The following ACOT12 variants were observed in gnomAD, a reference collection of about 807,000 sequenced individuals.
ACOT12 encodes acetyl-coenzyme A thioesterase.
ACOT12 carries 51 observed loss-of-function variants against 67.7 expected under a neutral mutation model. The observed-to-expected ratio is 0.75, with a 90% CI of 0.60 to 0.95. The LOEUF (loss-of-function observed/expected upper bound fraction) is 0.95. Ranked by LOEUF, ACOT12 falls within the 40% of genes least tolerant of loss-of-function variation. The pLI is 0.00. For missense variants in ACOT12, 734 were observed against 708.1 expected, an observed-to-expected ratio of 1.04 and a Z score of -0.41; for synonymous variants, 251 against 244.6, an observed-to-expected ratio of 1.03 and a Z score of -0.24.
Position 81,359,973 on chromosome 5 carries a change from C to T in ACOT12, c.426G>A (p.Glu142=). ...QDHVEHNLAA[E]RRKVRLQHED... ...CATGTTGTAATCGAACTTTCCTTCT[C>T]TCAGCAGCCAGATTATGTTCCACAT... is the stretch of plus-strand genomic sequence containing the variant. Residue 142 remains glutamate, a synonymous_variant, in exon 5 of 15, where the codon GAG becomes GAA. Coordinates refer to ENST00000307624, the MANE Select transcript of ACOT12 (RefSeq NM_130767.3). 1.2e-6 allele frequency: 2 copies of T among 1,612,872 alleles called. No homozygotes were observed. The highest frequency in any genetic ancestry group is 2.2e-5 in the South Asian group (2 of 90,738).
chr5:81,353,046 A>T (rs948489736), intron 5 of ACOT12, among the ~76,000 whole-genome samples: 1 of 152,222 alleles, frequency 6.6e-6, no homozygotes, highest in African/African-American at 2.4e-5. Flanking sequence ...AATTAAGAGA[A>T]GGCCTTATGA....
At position 81,394,007 on chromosome 5, in the gene ACOT12, G is replaced by A. The variant is rs989858711; in HGVS notation, c.108C>T (p.Asp36=). The A allele has an allele frequency of 7.0e-7, 1 of 1,427,312 alleles. No homozygotes were observed. The highest frequency in any genetic ancestry group is 9.1e-7 in the Non-Finnish European group (1 of 1,093,016). 88.4% of individuals were successfully genotyped at this position (1,427,312 alleles called of 1,614,324 possible). The part of the protein sequence containing the change: ...LSAGQLLKWI[D]TTACLAAEKH... ...GCCTACCCGCCAGGCAGGCGGTGGT[G>A]TCGATCCACTTGAGCAGCTGCCCCG... The change falls in exon 1 of 15, where the codon GAC becomes GAT. Residue 36 remains aspartate (D), a synonymous_variant. Coordinates refer to ENST00000307624, the MANE Select transcript of ACOT12 (RefSeq NM_130767.3).
At chr5:81,334,148 A>T (rs1758919557) in intron 12 of ACOT12, among the ~76,000 whole-genome samples, 1 of 151,944 alleles carries the variant, frequency 6.6e-6, no homozygotes, top group African/African-American at 2.4e-5. Flanking sequence ...GCTAAAAGCA[A>T]CTTCCACCAC....
chr5:81,385,852 T>C (rs1305503203), intron 1 of ACOT12, 26 bp from the exon 2 acceptor site: 3 of 1,605,896 alleles, frequency 1.9e-6, no homozygotes, highest in Non-Finnish European at 2.6e-6. Context: ...AAAAATGTGC[T>C]GCTTTAGTGG....
intron 11 of ACOT12, among the ~76,000 whole-genome samples, chr5:81,340,041 TC>T (rs1759140325): frequency 1.3e-5 from 2 of 150,584 alleles, no homozygotes; most frequent in South Asian, 4.2e-4. Flanking sequence ...AAAGTATGAT[TC>T]TTTTTTTTTT....
downstream of ACOT12, among the ~76,000 whole-genome samples, chr5:81,327,996 G>A (rs1758714287): frequency 6.6e-6 from 1 of 152,144 alleles, no homozygotes; most frequent in South Asian, 2.1e-4. Context: ...AAAGAGAGTA[G>A]GGGAAGATGG....
intron 1 of ACOT12, among the ~76,000 whole-genome samples, 183 bp from the exon 2 acceptor site, chr5:81,386,009 A>G (rs113074549): frequency 6.6e-6 from 1 of 152,196 alleles, no homozygotes; most frequent in Non-Finnish European, 1.5e-5. Context: ...TCTGTGAGTT[A>G]TATTTCTAAT....
In ACOT12 at chr5:81,332,499, G is replaced by A. The variant is rs138502777; in HGVS notation, c.1369C>T (p.Arg457Ter). Residue 457 changes from arginine (R) to a stop codon, truncating the protein, a stop_gained, in exon 13 of 15, where the codon CGA becomes TGA. Transcript: ENST00000307624. LOFTEE classifies it high-confidence loss of function. ...CACCCATCTTTGAGGGGTTTTCTTCGTGATACGAGTACTACCAAGTCTTTG... is the reference window on the plus strand; with the variant it reads ...CACCCATCTTTGAGGGGTTTTCTTCATGATACGAGTACTACCAAGTCTTTG... The part of the protein sequence containing the change: ...KPKDLVVLVS[R>*]RKPLKDGNTY... The A allele has an allele frequency of 6.8e-5, 110 of 1,613,754 alleles. No individual in the cohort carries two copies. The highest frequency in any genetic ancestry group is 8.9e-5 in the East Asian group (4 of 44,872).
chr5:81,335,800 A>G lies in ACOT12; in HGVS notation c.1230T>C (p.Phe410=). ...GGGGGTCCCACAAAGGTCGCTTTGTAAAGTCAGACAAGAGACGATAAGCCA... is the reference window on the plus strand; with the variant it reads ...GGGGGTCCCACAAAGGTCGCTTTGTGAAGTCAGACAAGAGACGATAAGCCA... ...AHLAYRLLSD[F]TKRPLWDPHF... The change falls in exon 12 of 15, where the codon TTT becomes TTC. Residue 410 remains phenylalanine (F), a synonymous_variant. Coordinates refer to ENST00000307624, the MANE Select transcript of ACOT12 (RefSeq NM_130767.3). 1 of 1,612,660 alleles carries G rather than the reference A, an allele frequency of 6.2e-7. No individual in the cohort carries two copies. Among genetic ancestry groups the G allele is most frequent in the South Asian group, 1.1e-5 (1 of 90,450 alleles).
At chr5:81,353,975 G>A (rs1434508116) in intron 5 of ACOT12, among the ~76,000 whole-genome samples, 1 of 152,174 alleles carries the variant, frequency 6.6e-6, no homozygotes, top group Non-Finnish European at 1.5e-5. Flanking sequence ...GCAGCAGGTG[G>A]AGAAATCACA....
chr5:81,369,121 A>G (rs1053518407), intron 3 of ACOT12, among the ~76,000 whole-genome samples: 3 of 152,090 alleles, frequency 2.0e-5, no homozygotes, highest in African/African-American at 7.3e-5. Context: ...TTATATCTCA[A>G]TAAAACTGAT....
the ACOT12 span, among the ~76,000 whole-genome samples, chr5:81,310,235 C>T: frequency 2.7e-5 from 4 of 149,988 alleles, no homozygotes; most frequent in African/African-American, 9.8e-5. Context: ...CCATATTTGC[C>T]TGTGTGTGCC....
At chr5:81,342,441 G>C (rs1018531759) in intron 11 of ACOT12, among the ~76,000 whole-genome samples, 4 of 152,108 alleles carry the variant, frequency 2.6e-5, no homozygotes, top group Non-Finnish European at 2.9e-5. Context: ...GGGAGAGACG[G>C]GATGTGAGAA....
In ACOT12 at chr5:81,330,304, T is replaced by C. The variant is rs1181278353; in HGVS notation, c.*90A>G. The C allele has an allele frequency of 1.3e-5, 19 of 1,412,650 alleles. No homozygotes were observed. The highest frequency in any genetic ancestry group is 1.7e-5 in the Non-Finnish European group (18 of 1,053,214). 87.5% of individuals were successfully genotyped at this position (1,412,650 alleles called of 1,614,324 possible). A position where few individuals can be genotyped will look rare whatever the true frequency, so the allele number is the denominator to read the frequency against. ...TTGCTTAGGGTTATATTAAATTATTTTGTGGCCCCAAAGCTTGACAGATGT... is the reference window on the plus strand; with the variant it reads ...TTGCTTAGGGTTATATTAAATTATTCTGTGGCCCCAAAGCTTGACAGATGT... On this transcript the variant is annotated 3_prime_UTR_variant, in exon 15 of 15. Coordinates refer to ENST00000307624, the MANE Select transcript of ACOT12 (RefSeq NM_130767.3).
intron 4 of ACOT12, among the ~76,000 whole-genome samples, chr5:81,363,555 T>C (rs1402425930): frequency 1.3e-5 from 2 of 152,190 alleles, no homozygotes; most frequent in African/African-American, 2.4e-5. Context: ...TTTTTTTGTA[T>C]TTTACAAACT....
intron 3 of ACOT12, among the ~76,000 whole-genome samples, chr5:81,364,655 A>G (rs1760021099): frequency 6.6e-6 from 1 of 152,180 alleles, no homozygotes; most frequent in East Asian, 1.9e-4. Flanking sequence ...TCTCGATCTC[A>G]TGACCTCATG....
the ACOT12 span, among the ~76,000 whole-genome samples, chr5:81,321,369 G>C: frequency 2.0e-5 from 3 of 152,194 alleles, no homozygotes; most frequent in African/African-American, 7.2e-5. Flanking sequence ...GCACCAGAGG[G>C]CTCAGCCCTC....
chr5:81,356,346 T>G (rs2153853158), intron 5 of ACOT12, among the ~76,000 whole-genome samples: 1 of 152,284 alleles, frequency 6.6e-6, no homozygotes, highest in South Asian at 2.1e-4. Flanking sequence ...CGTGTGACAC[T>G]GCTCTCTCCA....
At chr5:81,366,300 A>G (rs1324289192) in intron 3 of ACOT12, among the ~76,000 whole-genome samples, 3 of 152,236 alleles carry the variant, frequency 2.0e-5, no homozygotes, top group Non-Finnish European at 2.9e-5. Context: ...TAAAATTCAC[A>G]ATGTTCAGCA....
Sources: allele counts gnomAD v4.1 joint callset (sites outside exome capture counted in the v4.1 genomes callset), GRCh38; gene constraint gnomAD v4.1.1; transcripts MANE v1.5; gene names NCBI Gene and HGNC (gene_info 2026-07-23, HGNC 2026-07-21).